QTRT2: variants seen among roughly 807,000 people sequenced by gnomAD.
QTRT2 encodes the protein queuine tRNA-ribosyltransferase accessory subunit 2.
Under a neutral mutation model 44.8 loss-of-function variants are expected in QTRT2, and 32 were observed. The observed-to-expected ratio is 0.71, with a 90% CI of 0.54 to 0.96. The LOEUF (loss-of-function observed/expected upper bound fraction) is 0.96, where lower values mean the gene tolerates loss of function less well. Among genes scored for constraint, QTRT2 ranks in the 40% least tolerant of loss-of-function variants. The pLI is 0.00. For synonymous variants in QTRT2, 182 were observed against 187.4 expected, an observed-to-expected ratio of 0.97 and a Z score of 0.24; for missense variants, 461 against 503.1, an observed-to-expected ratio of 0.92 and a Z score of 0.80.
chr3:114,061,002 T>C (rs1161986589), intron 2 of QTRT2, among the ~76,000 whole-genome samples: 1 of 152,240 alleles, frequency 6.6e-6, no homozygotes, highest in Non-Finnish European at 1.5e-5. Flanking sequence ...TTCATTATGC[T>C]ACTCAGAATG....
chr3:114,085,389 G>A (rs1034935606), intron 9 of QTRT2, among the ~76,000 whole-genome samples: 4 of 152,054 alleles, frequency 2.6e-5, no homozygotes, highest in Non-Finnish European at 5.9e-5. Context: ...TGTATTTTTA[G>A]TACAGACGGG....
At chr3:114,060,047 A>G (rs1258337170) in intron 2 of QTRT2, among the ~76,000 whole-genome samples, 3 of 152,226 alleles carry the variant, frequency 2.0e-5, no homozygotes, top group Non-Finnish European at 4.4e-5. Context: ...AGAGTTACAA[A>G]GGACCTCTAA....
chr3:114,088,235 C>T lies in QTRT2; in HGVS notation c.*2331C>T, dbSNP rs1231863498. 1.3e-5 allele frequency: 2 copies of T among 152,152 alleles called. No homozygotes were observed. Among genetic ancestry groups the T allele is most frequent in the Admixed American group, 6.5e-5 (1 of 15,274 alleles). The allele number at this position is 152,152 out of a possible 1,614,324, so 9.4% of individuals were successfully genotyped here. ...AAACACTGAAAACTGTGTCCAATAT[C>T]GTTCAGTTTCCTGGGTCTTTTTCTT... On this transcript the variant is annotated 3_prime_UTR_variant, in exon 10 of 10. Transcript: ENST00000281273.
At chr3:114,076,583 T>C (rs1190907293) in intron 6 of QTRT2, among the ~76,000 whole-genome samples, 160 bp from the exon 7 acceptor site, 1 of 152,246 alleles carries the variant, frequency 6.6e-6, no homozygotes, top group Non-Finnish European at 1.5e-5. Flanking sequence ...CTCAGAGCCT[T>C]AAAGGTTCTT....
At chr3:114,081,885 A>T (rs986537705) in intron 8 of QTRT2, among the ~76,000 whole-genome samples, 3 of 152,154 alleles carry the variant, frequency 2.0e-5, no homozygotes, top group Non-Finnish European at 4.4e-5. Context: ...TTCTCCTGGG[A>T]CCAACACTGA....
At chr3:114,069,888 A>T in intron 5 of QTRT2, among the ~76,000 whole-genome samples, 1 of 152,194 alleles carries the variant, frequency 6.6e-6, no homozygotes, top group Non-Finnish European at 1.5e-5. Context: ...TCTAGTAAAC[A>T]CTAGATATTA....
At chr3:114,080,466 TCTG>T (rs2077152867) in intron 8 of QTRT2, among the ~76,000 whole-genome samples, 1 of 152,214 alleles carries the variant, frequency 6.6e-6, no homozygotes, top group African/African-American at 2.4e-5. Flanking sequence ...CTCATGATCC[TCTG>T]ATCCTAGTGT....
chr3:114,076,699 T>G (rs2077095134), intron 6 of QTRT2, 44 bp from the exon 7 acceptor site: 2 of 1,578,470 alleles, frequency 1.3e-6, no homozygotes, highest in African/African-American at 1.3e-5. Context: ...AACAAAGGTC[T>G]CATACTGAAA....
intron 8 of QTRT2, 96 bp from the exon 9 acceptor site, chr3:114,082,581 G>C (rs2077181134): frequency 1.8e-6 from 1 of 549,528 alleles, no homozygotes. Flanking sequence ...AAATTACAGA[G>C]TCAAAGATCA....
intron 4 of QTRT2, 150 bp downstream of exon 4, chr3:114,066,433 T>G: frequency 5.2e-6 from 3 of 577,846 alleles, no homozygotes; most frequent in South Asian, 2.2e-5. Context: ...CATTGGCAAG[T>G]CAAGATTGAA....
rs752156574 is a variant in QTRT2 at position 114,065,381 on chromosome 3, G to T, written c.124G>T (p.Ala42Ser). The T allele has an allele frequency of 6.2e-7, 1 of 1,614,096 alleles. No individual in the cohort carries two copies. The highest frequency in any genetic ancestry group is 8.5e-7 in the Non-Finnish European group (1 of 1,180,012). Residue 42 changes from alanine to serine, a missense_variant, in exon 3 of 10, where the codon GCC (alanine) becomes TCC (serine). By Grantham distance (99) the Ala-to-Ser change is moderately conservative. Coordinates refer to ENST00000281273, the MANE Select transcript of QTRT2 (RefSeq NM_024638.4). ...CCTTCTGTATACCAAGACTGGCTCCGCCCCACACCTCACCCATCACACGCT... is the reference window on the plus strand; with the variant it reads ...CCTTCTGTATACCAAGACTGGCTCCTCCCCACACCTCACCCATCACACGCT... ...GCLLYTKTGS[A>S]PHLTHHTLHN...
At chr3:114,085,275 T>C (rs1207511981) in intron 9 of QTRT2, among the ~76,000 whole-genome samples, 1 of 152,188 alleles carries the variant, frequency 6.6e-6, no homozygotes, top group Non-Finnish European at 1.5e-5. Flanking sequence ...TGGTGCGATC[T>C]TGGCTCACCA....
intron 6 of QTRT2, among the ~76,000 whole-genome samples, chr3:114,073,323 C>G (rs1194324220): frequency 6.6e-6 from 1 of 152,122 alleles, no homozygotes; most frequent in Non-Finnish European, 1.5e-5. Context: ...TGTGTTGTTG[C>G]AGTCAGCCTC....
At chr3:114,065,925 G>A (rs1031270574) in intron 3 of QTRT2, among the ~76,000 whole-genome samples, 1 of 152,192 alleles carries the variant, frequency 6.6e-6, no homozygotes, top group Non-Finnish European at 1.5e-5. Context: ...TAACATAATA[G>A]TCTGCAGCGT....
chr3:114,076,835 T>C lies in QTRT2; in HGVS notation c.639T>C (p.Pro213=). 1 of 1,614,188 alleles carries C rather than the reference T, an allele frequency of 6.2e-7. No homozygotes were observed. Among genetic ancestry groups the C allele is most frequent in the South Asian group, 1.1e-5 (1 of 91,084 alleles). ...CAGCACGAGAGACAGCCAAGCGGCC[T>C]GTGGGTGGCTTCCTTCTGGATGGTT... is the stretch of plus-strand genomic sequence containing the variant. ...LRSARETAKR[P]VGGFLLDGFQ... The change falls in exon 7 of 10, where the codon CCT becomes CCC. Residue 213 remains proline, a synonymous_variant. Transcript: ENST00000281273.
At chr3:114,060,755 C>T (rs1381126070) in intron 2 of QTRT2, among the ~76,000 whole-genome samples, 1 of 152,170 alleles carries the variant, frequency 6.6e-6, no homozygotes, top group Non-Finnish European at 1.5e-5. Context: ...TAAGGGATCA[C>T]TTTATGGCTT....
chr3:114,075,947 C>A (rs1040389515), intron 6 of QTRT2, among the ~76,000 whole-genome samples: 27 of 152,010 alleles, frequency 1.8e-4, no homozygotes, highest in Non-Finnish European at 2.9e-4. Context: ...GCTATTAGGT[C>A]CATTGAATTT....
rs540319099 is a variant in QTRT2, at chr3:114,060,957, C to T, written c.-22+3851C>T. ...AGATGCTGGGCAAAGGGATGATTCA[C>T]GTCCTGGGTGGAACAGAGCAAAATG... On this transcript the variant is annotated intron_variant, in intron 2 of 9. Coordinates refer to ENST00000281273, the MANE Select transcript of QTRT2 (RefSeq NM_024638.4). Among the ~76,000 whole-genome samples, 21 of 152,296 alleles carry T rather than the reference C, an allele frequency of 1.4e-4. No individual in the cohort carries two copies. The East Asian group carries it at 4.0e-3, about 29-fold the overall frequency.
At chr3:114,062,928 G>A (rs1171172587) in intron 2 of QTRT2, among the ~76,000 whole-genome samples, 1 of 152,206 alleles carries the variant, frequency 6.6e-6, no homozygotes, top group Non-Finnish European at 1.5e-5. Flanking sequence ...ACACAGCTCA[G>A]ATGAGAGAGT....
Sources: gnomAD v4.1 joint callset for allele counts (sites outside exome capture counted in the v4.1 genomes callset) on GRCh38, gnomAD v4.1.1 for gene constraint, MANE v1.5 for transcripts, NCBI Gene and HGNC (gene_info 2026-07-23, HGNC 2026-07-21) for gene names.